The following C12orf56 variants were observed in gnomAD, a reference collection of about 807,000 sequenced individuals.
The protein encoded by C12orf56 is uncharacterized protein C12orf56.
Under a neutral mutation model 69.9 loss-of-function variants are expected in C12orf56, and 71 were observed. The ratio of observed to expected loss-of-function variants is 1.02; its 90% CI spans 0.84 to 1.24. The LOEUF (loss-of-function observed/expected upper bound fraction) is 1.24, where lower values mean the gene tolerates loss of function less well. Among genes scored for constraint, C12orf56 ranks in the 50% most tolerant of loss-of-function variants. The probability of loss-of-function intolerance (pLI) is 0.00; values close to 1 mark genes in which losing one functional copy is unlikely to be tolerated. For synonymous variants in C12orf56, 276 were observed against 274.1 expected (o/e 1.01, Z -0.07); for missense variants, 732 against 738.5 (o/e 0.99, Z 0.10).
intron 6 of C12orf56, among the ~76,000 whole-genome samples, chr12:64,298,396 T>A (rs2038398003): frequency 6.6e-6 from 1 of 152,238 alleles, no homozygotes; most frequent in East Asian, 1.9e-4. Context: ...TAGATCCCAT[T>A]TGTCAATTTT....
In C12orf56 at chr12:64,390,365, G is replaced by A; in HGVS notation, c.201C>T (p.Pro67=). ...GAGCCACTACCCGCCGGATGGACTT[G>A]GGCGGGTTCTCGGTTAGGTAGACGA... ...DRLVYLTENP[P]KSIRRVVALR... is the part of the protein sequence containing the mutation. The change falls in exon 1 of 13, where the codon CCC becomes CCT. Residue 67 remains proline, a synonymous_variant. Coordinates refer to ENST00000543942, the MANE Select transcript of C12orf56 (RefSeq NM_001170633.2). 1 of 1,612,930 alleles carries A rather than the reference G, an allele frequency of 6.2e-7. No individual in the cohort carries two copies. Among genetic ancestry groups the A allele is most frequent in the East Asian group, 2.2e-5 (1 of 44,820 alleles).
chr12:64,269,858 G>T (rs976249150), intron 12 of C12orf56, among the ~76,000 whole-genome samples: 1 of 152,004 alleles, frequency 6.6e-6, no homozygotes, highest in East Asian at 1.9e-4. Flanking sequence ...CACAGTGCTA[G>T]GATTACAGGC....
intron 2 of C12orf56, among the ~76,000 whole-genome samples, chr12:64,339,274 G>A (rs2039041117): frequency 6.6e-6 from 1 of 152,104 alleles, no homozygotes; most frequent in Non-Finnish European, 1.5e-5. Flanking sequence ...AGAAGGTAGG[G>A]GAAAAGTCTT....
At chr12:64,350,195 A>G (rs998281242) in intron 2 of C12orf56, among the ~76,000 whole-genome samples, 8 of 152,044 alleles carry the variant, frequency 5.3e-5, no homozygotes, top group African/African-American at 1.7e-4. Flanking sequence ...GATGCAGTGT[A>G]TACTGCTTGG....
chr12:64,334,393 G>A (rs763043005), intron 2 of C12orf56, among the ~76,000 whole-genome samples: 11 of 152,210 alleles, frequency 7.2e-5, no homozygotes, highest in African/African-American at 1.7e-4. Flanking sequence ...TGGAAAATCG[G>A]TTCTAGGATC....
intron 5 of C12orf56, among the ~76,000 whole-genome samples, chr12:64,308,934 AAGAAAGAAGAAAG>A (rs1408141492): frequency 4.3e-4 from 13 of 30,152 alleles, no homozygotes; most frequent in African/African-American, 1.1e-3. Context: ...GAAAGAAAGA[AAGAAAGAAGAAAG>A]AAAGAAAGAA....
In C12orf56 at chr12:64,303,780, C is replaced by T; in HGVS notation, c.969-1G>A. Reference sequence around the variant, plus strand: ...GAAGTGCTTAATTTTCTCCTCAGACCTACAGAAACAGAAGAAAATTTTCCA... The same window carrying T: ...GAAGTGCTTAATTTTCTCCTCAGACTTACAGAAACAGAAGAAAATTTTCCA... On this transcript the variant is annotated splice_acceptor_variant, in intron 5 of 12. Transcript: ENST00000543942. LOFTEE classifies it high-confidence loss of function. 1.3e-6 allele frequency: 2 copies of T among 1,571,604 alleles called. No individual in the cohort carries two copies. Among genetic ancestry groups the T allele is most frequent in the Non-Finnish European group, 1.7e-6 (2 of 1,166,110 alleles).
chr12:64,382,863 T>C (rs1283650456), intron 1 of C12orf56, among the ~76,000 whole-genome samples: 1 of 84,864 alleles, frequency 1.2e-5, no homozygotes. Context: ...AGAGTGAGAC[T>C]CCGTTTCAAA....
intron 1 of C12orf56, among the ~76,000 whole-genome samples, chr12:64,360,974 C>T (rs907026631): frequency 2.0e-5 from 3 of 152,086 alleles, no homozygotes; most frequent in African/African-American, 2.4e-5. Flanking sequence ...AATCCCAGAA[C>T]TTTGGGAGGC....
At chr12:64,356,033 G>A (rs2039308043) in intron 1 of C12orf56, among the ~76,000 whole-genome samples, 1 of 151,986 alleles carries the variant, frequency 6.6e-6, no homozygotes, top group South Asian at 2.1e-4. Flanking sequence ...GTGTGGTGGT[G>A]TGCATCTGTA....
At chr12:64,287,308 C>A (rs1276578370) in intron 6 of C12orf56, among the ~76,000 whole-genome samples, 1 of 148,378 alleles carries the variant, frequency 6.7e-6, no homozygotes, top group Non-Finnish European at 1.5e-5. Context: ...TTGGGTTTAC[C>A]CAGTGCCTGA....
intron 7 of C12orf56, 142 bp from the exon 8 acceptor site, chr12:64,284,895 A>G (rs2038179569): frequency 3.2e-6 from 2 of 625,234 alleles, no homozygotes; most frequent in African/African-American, 3.7e-5. Flanking sequence ...TGTACATCAA[A>G]TTGCTAACAT....
rs376230026 is a variant in C12orf56 at position 64,298,660 on chromosome 12, G to A, written c.1113+4975C>T. 6.7e-4 allele frequency among the ~76,000 whole-genome samples: 102 copies of A among 152,104 alleles called. 2 individuals are homozygous for A. The East Asian group carries it at 0.018, about 26-fold the overall frequency. On this transcript the variant is annotated intron_variant, in intron 6 of 12. Coordinates refer to ENST00000543942, the MANE Select transcript of C12orf56 (RefSeq NM_001170633.2). Reference sequence around the variant, plus strand: ...GGAATCCTTTCCCCATTGCTTGTTTGTGTCAGGTTTGTCAAAGATCAGATG... The same window carrying A: ...GGAATCCTTTCCCCATTGCTTGTTTATGTCAGGTTTGTCAAAGATCAGATG...
intron 5 of C12orf56, among the ~76,000 whole-genome samples, chr12:64,308,943 G>GAAAGAAAGAAAA (rs1565748983): frequency 3.0e-5 from 1 of 33,464 alleles, no homozygotes. Flanking sequence ...AAAGAAAGAA[G>GAAAGAAAGAAAA]AAAGAAAGAA....
chr12:64,276,969 G>A (rs1443160117), intron 9 of C12orf56, among the ~76,000 whole-genome samples: 1 of 117,442 alleles, frequency 8.5e-6, no homozygotes, highest in Non-Finnish European at 1.6e-5. Flanking sequence ...ACTCCAGCCT[G>A]GGCAACAGAG....
intron 1 of C12orf56, among the ~76,000 whole-genome samples, chr12:64,366,799 T>C (rs1046953783): frequency 6.2e-5 from 5 of 80,806 alleles, no homozygotes; most frequent in Admixed American, 4.4e-4. Flanking sequence ...ATACAGTTTA[T>C]ATATATTATA....
intron 1 of C12orf56, among the ~76,000 whole-genome samples, chr12:64,388,624 T>C (rs1449208786): frequency 6.6e-6 from 1 of 152,224 alleles, no homozygotes; most frequent in African/African-American, 2.4e-5. Flanking sequence ...GGCTCTTGTC[T>C]GTAGTGGATC....
At chr12:64,352,087 G>GTTTTTT (rs1565770096) in intron 2 of C12orf56, among the ~76,000 whole-genome samples, 3 of 105,540 alleles carry the variant, frequency 2.8e-5, no homozygotes, top group African/African-American at 1.1e-4. Flanking sequence ...AGGTTTTTTT[G>GTTTTTT]TTTTTGTTTT....
intron 3 of C12orf56, 129 bp downstream of exon 3, chr12:64,330,831 T>C (rs2038920223): frequency 1.5e-6 from 1 of 647,704 alleles, no homozygotes; most frequent in Admixed American, 3.4e-5. Flanking sequence ...TTCTTCCTTA[T>C]TGCATATGTA....
Sources: allele counts gnomAD v4.1 joint callset (sites outside exome capture counted in the v4.1 genomes callset), GRCh38; gene constraint gnomAD v4.1.1; transcripts MANE v1.5; gene names NCBI Gene and HGNC (gene_info 2026-07-23, HGNC 2026-07-21).